The following DDX59 variants were observed in gnomAD, a reference collection of about 807,000 sequenced individuals.
DDX59 encodes the protein DEAD-box helicase 59.
Under a neutral mutation model 51.9 loss-of-function variants are expected in DDX59, and 30 were observed. The ratio of observed to expected loss-of-function variants is 0.58; its 90% CI spans 0.43 to 0.78. The LOEUF (loss-of-function observed/expected upper bound fraction) is 0.78. DDX59 is among the 30% of genes least tolerant of loss of function. The pLI is 0.00. For missense variants in DDX59, 672 were observed against 730.8 expected (o/e 0.92, Z 0.93); for synonymous variants, 255 against 253.3 (o/e 1.01, Z -0.06).
In DDX59 at chr1:200,666,284, T is replaced by G. The variant is rs780974891; in HGVS notation, c.457A>C (p.Lys153Gln). 1.9e-6 allele frequency: 3 copies of G among 1,614,228 alleles called. No individual in the cohort carries two copies. The highest frequency in any genetic ancestry group is 2.5e-6 in the Non-Finnish European group (3 of 1,180,040). Reference sequence around the variant, plus strand: ...GGAGACTCTGGCTCAGAATCAGCCTTCTGTGGATTGCTGAGTTTTGATTTC... The same window carrying G: ...GGAGACTCTGGCTCAGAATCAGCCTGCTGTGGATTGCTGAGTTTTGATTTC... ...EEKSKLSNPQ[K>Q]ADSEPESPLN... Residue 153 changes from lysine to glutamine, a missense_variant, in exon 2 of 8, where the codon AAG becomes CAG. By Grantham distance (53) the Lys-to-Gln change is moderately conservative. Coordinates refer to ENST00000331314, the MANE Select transcript of DDX59 (RefSeq NM_001031725.6).
chr1:200,647,679 T>C (rs1156275021), intron 7 of DDX59, among the ~76,000 whole-genome samples: 2 of 151,776 alleles, frequency 1.3e-5, no homozygotes, highest in Non-Finnish European at 2.9e-5. Context: ...TACATATATA[T>C]CTTAAAAGCA....
chr1:200,645,044 TAA>T (rs886571101), intron 7 of DDX59, among the ~76,000 whole-genome samples: 29 of 150,348 alleles, frequency 1.9e-4, no homozygotes, highest in Admixed American at 6.7e-5. Context: ...AAACAGAAAA[TAA>T]GAGAGTGATC....
intron 2 of DDX59, 145 bp from the exon 3 acceptor site, chr1:200,664,231 A>C: frequency 1.2e-6 from 1 of 801,824 alleles, no homozygotes; most frequent in Non-Finnish European, 1.9e-6. Context: ...TGCTTACTGC[A>C]GACTTTTTTC....
chr1:200,667,520 T>C (rs1228040920), intron 1 of DDX59, among the ~76,000 whole-genome samples: 1 of 152,228 alleles, frequency 6.6e-6, no homozygotes, highest in Non-Finnish European at 1.5e-5. Flanking sequence ...AGCAGTGTTG[T>C]AACACTGCAC....
At chr1:200,655,627 G>A (rs1661971341) in intron 4 of DDX59, among the ~76,000 whole-genome samples, 1 of 152,052 alleles carries the variant, frequency 6.6e-6, no homozygotes, top group Non-Finnish European at 1.5e-5. Flanking sequence ...ACATGCACTT[G>A]GACTTTCTGA....
chr1:200,643,631 A>C (rs927796234), downstream of DDX59, among the ~76,000 whole-genome samples: 3 of 152,210 alleles, frequency 2.0e-5, no homozygotes, highest in African/African-American at 7.2e-5. Flanking sequence ...CGACAGAGCG[A>C]GACTCTGTCT....
At chr1:200,664,201 G>C (rs1374642822) in intron 2 of DDX59, 115 bp from the exon 3 acceptor site, 2 of 1,134,142 alleles carry the variant, frequency 1.8e-6, no homozygotes, top group Non-Finnish European at 2.4e-6. Flanking sequence ...TCCCAACTGG[G>C]TATGAGTCCT....
chr1:200,663,880 C>A, intron 3 of DDX59, 39 bp downstream of exon 3: 1 of 1,480,204 alleles, frequency 6.8e-7, no homozygotes, highest in Non-Finnish European at 9.0e-7. Context: ...GTATTGCTTA[C>A]AAAACTTTTC....
chr1:200,643,935 A>G (rs1257120658), downstream of DDX59: 1 of 210,346 alleles, frequency 4.8e-6, no homozygotes, highest in Non-Finnish European at 8.3e-6. Context: ...TGGGGGAACC[A>G]AGTAAAACAA....
intron 3 of DDX59, among the ~76,000 whole-genome samples, chr1:200,662,343 A>C (rs1042226425): frequency 6.6e-6 from 1 of 152,178 alleles, no homozygotes; most frequent in South Asian, 2.1e-4. Context: ...GGAGGAAAAA[A>C]AAGTTCCATT....
At chr1:200,660,038 T>A (rs1338376978) in intron 3 of DDX59, among the ~76,000 whole-genome samples, 1 of 152,172 alleles carries the variant, frequency 6.6e-6, no homozygotes, top group Non-Finnish European at 1.5e-5. Flanking sequence ...CAATCACATC[T>A]CCCCTGTGCT....
chr1:200,666,312 T>C lies in DDX59; in HGVS notation c.429A>G (p.Glu143=). Residue 143 remains glutamate, a synonymous_variant, in exon 2 of 8, where the codon GAA becomes GAG. Transcript: ENST00000331314. ...AKHLLQVKEK[E]EKSKLSNPQK... is the part of the protein sequence containing the mutation. ...GTGGATTGCTGAGTTTTGATTTCTC[T>C]TCCTTTTCCTTAACTTGTAGAAGAT... The C allele has an allele frequency of 6.2e-7, 1 of 1,614,226 alleles. No individual in the cohort carries two copies. The highest frequency in any genetic ancestry group is 8.5e-7 in the Non-Finnish European group (1 of 1,180,044).
intron 1 of DDX59, 118 bp from the exon 2 acceptor site, chr1:200,666,869 A>G: frequency 3.1e-6 from 3 of 958,078 alleles, no homozygotes; most frequent in Non-Finnish European, 4.5e-6. Flanking sequence ...GCACTTTGGG[A>G]GGCCGAGGCA....
At chr1:200,663,716 T>C (rs1159462941) in intron 3 of DDX59, among the ~76,000 whole-genome samples, 2 of 150,848 alleles carry the variant, frequency 1.3e-5, no homozygotes, top group African/African-American at 4.9e-5. Context: ...CTTTGGCATA[T>C]AATGGGCACT....
At chr1:200,641,803 G>A (rs891327936), downstream of DDX59, among the ~76,000 whole-genome samples, 1 of 152,038 alleles carries the variant, frequency 6.6e-6, no homozygotes, top group Non-Finnish European at 1.5e-5. Context: ...AAGAGATGGA[G>A]ACCATCCTGG....
intron 1 of DDX59, among the ~76,000 whole-genome samples, chr1:200,667,145 C>G (rs1233765383): frequency 6.6e-6 from 1 of 151,688 alleles, no homozygotes; most frequent in Non-Finnish European, 1.5e-5. Flanking sequence ...TGGCTCACAC[C>G]TGTAATCCCA....
At chr1:200,665,422 G>C (rs1662655843) in intron 2 of DDX59, among the ~76,000 whole-genome samples, 1 of 151,360 alleles carries the variant, frequency 6.6e-6, no homozygotes, top group African/African-American at 2.4e-5. Context: ...GGCAGAGGTT[G>C]CAGTGAGCCG....
intron 1 of DDX59, among the ~76,000 whole-genome samples, chr1:200,668,605 T>C (rs1662943761): frequency 6.6e-6 from 1 of 152,212 alleles, no homozygotes; most frequent in Admixed American, 6.5e-5. Flanking sequence ...ATATATTTCC[T>C]TGTCGTACCT....
At chr1:200,662,662 C>T (rs780533065) in intron 3 of DDX59, among the ~76,000 whole-genome samples, 5 of 152,142 alleles carry the variant, frequency 3.3e-5, no homozygotes, top group Non-Finnish European at 5.9e-5. Flanking sequence ...AATACATTAA[C>T]ATATATTTTT....
Sources: gnomAD v4.1 joint callset for allele counts (sites outside exome capture counted in the v4.1 genomes callset) on GRCh38, gnomAD v4.1.1 for gene constraint, MANE v1.5 for transcripts, NCBI Gene and HGNC (gene_info 2026-07-23, HGNC 2026-07-21) for gene names.